NFIB: variants seen among roughly 807,000 people sequenced by gnomAD.
NFIB encodes the protein nuclear factor 1 B-type.
Under a neutral mutation model 61.5 loss-of-function variants are expected in NFIB, and 11 were observed. The ratio of observed to expected loss-of-function variants is 0.18; its 90% CI spans 0.11 to 0.30. The LOEUF (loss-of-function observed/expected upper bound fraction) is 0.30. NFIB is among the 10% of genes least tolerant of loss of function. The probability of loss-of-function intolerance (pLI) is 1.00; values close to 1 mark genes in which losing one functional copy is unlikely to be tolerated. For synonymous variants in NFIB, 260 were observed against 216.5 expected (o/e 1.20, Z -1.76); for missense variants, 471 against 608.9 (o/e 0.77, Z 2.38).
intron 2 of NFIB, among the ~76,000 whole-genome samples, chr9:14,194,873 C>CAA (rs1291547873): frequency 2.6e-5 from 4 of 151,992 alleles, no homozygotes; most frequent in African/African-American, 9.7e-5. Flanking sequence ...GAAGATAGAA[C>CAA]AAAATAACAC....
the NFIB span, among the ~76,000 whole-genome samples, chr9:14,490,434 G>A: frequency 6.6e-6 from 1 of 152,054 alleles, no homozygotes; most frequent in African/African-American, 2.4e-5. Context: ...GACCTCAAAT[G>A]TACTAGCCAT....
chr9:14,185,157 A>G (rs1587413538), intron 2 of NFIB, among the ~76,000 whole-genome samples: 1 of 152,212 alleles, frequency 6.6e-6, no homozygotes, highest in Non-Finnish European at 1.5e-5. Context: ...AAATAAAAAA[A>G]TACATAAATC....
chr9:14,188,638 T>G (rs951023626), intron 2 of NFIB, among the ~76,000 whole-genome samples: 4 of 152,242 alleles, frequency 2.6e-5, no homozygotes, highest in Non-Finnish European at 5.9e-5. Flanking sequence ...TAATATTAGA[T>G]GAACACGCCA....
At chr9:14,442,895 T>C in the NFIB span, among the ~76,000 whole-genome samples, 1 of 152,024 alleles carries the variant, frequency 6.6e-6, no homozygotes, top group African/African-American at 2.4e-5. Flanking sequence ...TGTTTTTCTA[T>C]CAGGTATAGT....
intron 1 of NFIB, among the ~76,000 whole-genome samples, chr9:14,395,542 C>T (rs2061674436): frequency 6.6e-6 from 1 of 151,762 alleles, no homozygotes; most frequent in Non-Finnish European, 1.5e-5. Flanking sequence ...AAATATAAAG[C>T]TCCCTTAATC....
rs905750318 is a variant in NFIB, at chr9:14,313,269, C to G, written c.30+213G>C. 1.3e-5 allele frequency among the ~76,000 whole-genome samples: 2 copies of G among 151,514 alleles called. No individual in the cohort carries two copies. The highest frequency in any genetic ancestry group is 4.8e-5 in the African/African-American group (2 of 41,358). ...CCGGCCCAGCGCCCGCGCTCCGTGCCCAGGGCGCGGGGCTGGGCGCTCGCA... is the reference window on the plus strand; with the variant it reads ...CCGGCCCAGCGCCCGCGCTCCGTGCGCAGGGCGCGGGGCTGGGCGCTCGCA... On this transcript the variant is annotated intron_variant, in intron 1 of 10. Transcript: ENST00000380953. The surrounding 1 kb of genome is among the most constrained non-coding windows in gnomAD (Gnocchi z 4.5).
intron 1 of NFIB, among the ~76,000 whole-genome samples, chr9:14,358,425 C>T (rs2132938135): frequency 6.6e-6 from 1 of 152,202 alleles, no homozygotes; most frequent in East Asian, 1.9e-4. Context: ...ATGTGAAAAA[C>T]TGTGTTTTTT....
chr9:14,313,784 G>A lies in NFIB; in HGVS notation c.-273C>T. The A allele has an allele frequency of 7.5e-7, 1 of 1,339,630 alleles. No homozygotes were observed. The highest frequency in any genetic ancestry group is 9.6e-7 in the Non-Finnish European group (1 of 1,046,134). 83.0% of individuals were successfully genotyped at this position (1,339,630 alleles called of 1,614,324 possible). A position where few individuals can be genotyped will look rare whatever the true frequency, so the allele number is the denominator to read the frequency against. On this transcript the variant is annotated 5_prime_UTR_variant, in exon 1 of 11. Coordinates refer to ENST00000380953, the MANE Select transcript of NFIB (RefSeq NM_001190737.2). The surrounding 1 kb of genome is among the most constrained non-coding windows in gnomAD (Gnocchi z 4.5). ...CGAGCGCGCTGGCCGTGCTTGCCGA[G>A]GCCGCCGCCGCCGCCGGTGTTGGCT...
rs1198708489 is a variant in NFIB at position 14,164,967 on chromosome 9, T to C, written c.617-9074A>G. 4.6e-5 allele frequency among the ~76,000 whole-genome samples: 7 copies of C among 152,266 alleles called. No individual in the cohort carries two copies. The South Asian group carries it at 1.0e-3, about 23-fold the overall frequency. On this transcript the variant is annotated intron_variant, in intron 3 of 10. Coordinates refer to ENST00000380953, the MANE Select transcript of NFIB (RefSeq NM_001190737.2). ...ATTCAGAATGTGGTTCCAGAGCCAC[T>C]AGCACTGGCATAACTGGGGAGCTTA...
At chr9:14,434,341 G>A in the NFIB span, among the ~76,000 whole-genome samples, 1 of 152,112 alleles carries the variant, frequency 6.6e-6, no homozygotes, top group East Asian at 1.9e-4. Flanking sequence ...AATGGATATG[G>A]ATTTCCCACC....
chr9:14,315,885 G>A (rs968889105), upstream of NFIB, among the ~76,000 whole-genome samples: 5 of 151,898 alleles, frequency 3.3e-5, no homozygotes, highest in South Asian at 4.1e-4. Context: ...GGATCCGGGG[G>A]GCGCTGGGGC....
At chr9:14,295,767 A>G (rs1563985775) in intron 2 of NFIB, among the ~76,000 whole-genome samples, 1 of 151,958 alleles carries the variant, frequency 6.6e-6, no homozygotes, top group Non-Finnish European at 1.5e-5. Context: ...TTTGTACATG[A>G]CAGTTTTACA....
the NFIB span, among the ~76,000 whole-genome samples, chr9:14,459,412 C>A: frequency 0.38 from 58,133 of 152,040 alleles, 12,113 homozygotes; most frequent in African/African-American, 0.54. Context: ...ACCATAAAAA[C>A]CCTAGAAGAA....
At chr9:14,452,999 T>C in the NFIB span, among the ~76,000 whole-genome samples, 1 of 152,360 alleles carries the variant, frequency 6.6e-6, no homozygotes, top group African/African-American at 2.4e-5. Context: ...TTTTCCACTT[T>C]GATTGCTTTG....
intron 10 of NFIB, among the ~76,000 whole-genome samples, chr9:14,095,047 C>T (rs2034563145): frequency 1.3e-5 from 2 of 152,074 alleles, no homozygotes; most frequent in African/African-American, 4.8e-5. Flanking sequence ...AGCACTGCCA[C>T]TAAATATTAA....
At chr9:14,398,476 G>A in intron 1 of NFIB, 1 of 1,335,936 alleles carries the variant, frequency 7.5e-7, no homozygotes, top group Non-Finnish European at 1.0e-6. Context: ...AAGAAGTTGG[G>A]ACCTATTTGA....
At chr9:14,359,709 G>C (rs2061216619) in intron 1 of NFIB, among the ~76,000 whole-genome samples, 1 of 152,140 alleles carries the variant, frequency 6.6e-6, no homozygotes, top group Non-Finnish European at 1.5e-5. Flanking sequence ...TGTGATACAA[G>C]CTAGGGCAAT....
In NFIB at chr9:14,313,451, G is replaced by A. The variant is rs899225455; in HGVS notation, c.30+31C>T. 2.5e-6 allele frequency: 4 copies of A among 1,613,616 alleles called. No individual in the cohort carries two copies. The highest frequency in any genetic ancestry group is 3.4e-6 in the Non-Finnish European group (4 of 1,179,704). On this transcript the variant is annotated intron_variant, in intron 1 of 10. Coordinates refer to ENST00000380953, the MANE Select transcript of NFIB (RefSeq NM_001190737.2). The surrounding 1 kb of genome is among the most constrained non-coding windows in gnomAD (Gnocchi z 4.5). The stretch of plus-strand genomic sequence containing the variant: ...AAACAAAGGCATTTCGGGCCAGAGA[G>A]AAAGCTCGAGAAAGCGACCGAGACA...
intron 1 of NFIB, among the ~76,000 whole-genome samples, chr9:14,368,856 T>C (rs933434671): frequency 6.6e-6 from 1 of 152,208 alleles, no homozygotes; most frequent in South Asian, 2.1e-4. Context: ...ACCCTTATTG[T>C]TCCCGTGAAC....
Sources: gnomAD v4.1 joint callset for allele counts (sites outside exome capture counted in the v4.1 genomes callset) on GRCh38, gnomAD v4.1.1 for gene constraint, Gnocchi (gnomAD v3.1) non-coding constraint, MANE v1.5 for transcripts, NCBI Gene and HGNC (gene_info 2026-07-23, HGNC 2026-07-21) for gene names.